The following OSBPL2 variants were observed in gnomAD, a reference collection of about 807,000 sequenced individuals.
The protein encoded by OSBPL2 is oxysterol-binding protein-related protein 2.
Under a neutral mutation model 58.4 loss-of-function variants are expected in OSBPL2, and 18 were observed. That is an observed-to-expected ratio of 0.31 (90% confidence interval 0.21 to 0.46). The LOEUF is 0.46. OSBPL2 is among the 20% of genes least tolerant of loss of function. OSBPL2 has a pLI of 1.00. For synonymous variants in OSBPL2, 221 were observed against 234.1 expected, an observed-to-expected ratio of 0.94 and a Z score of 0.51; for missense variants, 461 against 616.5, an observed-to-expected ratio of 0.75 and a Z score of 2.67.
Position 62,272,397 on chromosome 20 carries a change from C to T in OSBPL2, c.393+138C>T, listed in dbSNP as rs142477614. ...CAGTGTTCAGTGCCATCCTGCCTGG[C>T]GGTCGTGGCATTTGTCCTGTCACCA... On this transcript the variant is annotated intron_variant, in intron 5 of 13. Coordinates refer to ENST00000313733, the MANE Select transcript of OSBPL2 (RefSeq NM_144498.4). 3.2e-4 allele frequency: 291 copies of T among 922,278 alleles called. No homozygotes were observed. The African/African-American group carries it at 4.2e-3, about 13-fold the overall frequency. The allele number at this position is 922,278 out of a possible 1,614,324, so 57.1% of individuals were successfully genotyped here.
In OSBPL2 at chr20:62,292,307, C is replaced by T. The variant is rs554377783; in HGVS notation, c.1340+514C>T. On this transcript the variant is annotated intron_variant, in intron 13 of 13. Transcript: ENST00000313733. The stretch of plus-strand genomic sequence containing the variant: ...GGGAGGTGGCACCGTGTGGAGGCCA[C>T]GCCTGTCACACCGATACCACATCTT... Among the ~76,000 whole-genome samples, 14 of 152,290 alleles carry T rather than the reference C, an allele frequency of 9.2e-5. No individual in the cohort carries two copies. In the South Asian group the frequency reaches 2.5e-3, roughly 27 times the overall value.
At chr20:62,281,551 T>C (rs953390953) in intron 8 of OSBPL2, 1 of 530,708 alleles carries the variant, frequency 1.9e-6, no homozygotes, top group African/African-American at 1.9e-5. Flanking sequence ...AATCGATGCA[T>C]CATAAGACTC....
intron 12 of OSBPL2, among the ~76,000 whole-genome samples, chr20:62,289,599 A>ATTTG (rs1983358578): frequency 6.6e-6 from 1 of 152,258 alleles, no homozygotes; most frequent in African/African-American, 2.4e-5. Context: ...AAATGAAAAA[A>ATTTG]TACATACAAA....
At chr20:62,271,957 A>G (rs1982090327) in intron 4 of OSBPL2, among the ~76,000 whole-genome samples, 168 bp from the exon 5 acceptor site, 4 of 152,148 alleles carry the variant, frequency 2.6e-5, no homozygotes, top group Admixed American at 2.6e-4. Context: ...TGAGGCTCAC[A>G]GGGCAGGGCC....
chr20:62,291,361 G>A (rs531665008), intron 12 of OSBPL2: 24 of 375,828 alleles, frequency 6.4e-5, no homozygotes, highest in South Asian at 2.3e-4. Context: ...CTGGCTCCCC[G>A]TCCTGAGCGC....
At chr20:62,255,913 A>C (rs749759540) in intron 1 of OSBPL2, 144 bp from the exon 2 acceptor site, 36 of 392,748 alleles carry the variant, frequency 9.2e-5, no homozygotes, top group Non-Finnish European at 1.5e-4. Context: ...TTTTGAAATT[A>C]TGTTTGTGAT....
intron 4 of OSBPL2, among the ~76,000 whole-genome samples, chr20:62,268,049 A>ATTTTTTTT (rs149417240): frequency 6.9e-5 from 8 of 116,156 alleles, no homozygotes; most frequent in African/African-American, 1.3e-4. Context: ...TGCCCGGCTA[A>ATTTTTTTT]TTTTTTTTTT....
chr20:62,249,193 C>T (rs1233461265), intron 1 of OSBPL2, among the ~76,000 whole-genome samples: 1 of 152,108 alleles, frequency 6.6e-6, no homozygotes, highest in Non-Finnish European at 1.5e-5. Context: ...GGATGGCGTC[C>T]TTGGGGCCAA....
intron 4 of OSBPL2, 107 bp from the exon 5 acceptor site, chr20:62,272,018 C>T: frequency 7.2e-7 from 1 of 1,387,868 alleles, no homozygotes; most frequent in South Asian, 1.3e-5. Context: ...TCCGGTTCAA[C>T]CCCAGAGGCT....
chr20:62,281,511 C>T (rs1982781069), intron 8 of OSBPL2: 3 of 501,746 alleles, frequency 6.0e-6, no homozygotes, highest in African/African-American at 5.7e-5. Flanking sequence ...GACTGGTGGG[C>T]TTTGCCTTTT....
intron 3 of OSBPL2, 29 bp from the exon 4 acceptor site, chr20:62,263,586 AC>A: frequency 6.3e-7 from 1 of 1,584,576 alleles, no homozygotes; most frequent in Non-Finnish European, 8.7e-7. Flanking sequence ...TGTTGAATTC[AC>A]CCACACGCAC....
intron 8 of OSBPL2, 81 bp downstream of exon 8, chr20:62,281,246 C>T (rs1213598875): frequency 1.9e-6 from 2 of 1,046,204 alleles, no homozygotes; most frequent in Admixed American, 1.8e-5. Flanking sequence ...CATCCGTGCT[C>T]CTGGTGGGTT....
chr20:62,286,803 C>T, intron 11 of OSBPL2, 92 bp downstream of exon 11: 1 of 1,428,632 alleles, frequency 7.0e-7, no homozygotes, highest in Non-Finnish European at 9.5e-7. Context: ...TCCTTGGGCC[C>T]TTGCCTGCCG....
At chr20:62,260,211 G>C in intron 3 of OSBPL2, 86 bp downstream of exon 3, 4 of 1,335,146 alleles carry the variant, frequency 3.0e-6, no homozygotes, top group Non-Finnish European at 4.2e-6. Context: ...GCCCTCACGA[G>C]CATTGAGCTG....
intron 1 of OSBPL2, among the ~76,000 whole-genome samples, chr20:62,248,838 C>T (rs1365637173): frequency 2.0e-5 from 3 of 152,200 alleles, no homozygotes; most frequent in Admixed American, 6.5e-5. Context: ...CTTATAGGCA[C>T]GTGCCACTGT....
rs151042102 is a variant in OSBPL2, at chr20:62,284,054, A to G, written c.881A>G (p.Lys294Arg). The G allele has an allele frequency of 2.5e-5, 40 of 1,611,196 alleles. No homozygotes were observed. The highest frequency in any genetic ancestry group is 3.2e-5 in the Non-Finnish European group (38 of 1,178,184). The change falls in exon 10 of 14, where the codon AAG (lysine) becomes AGG (arginine). Residue 294 changes from lysine to arginine, a missense_variant. Transcript: ENST00000313733. ...ATCCCATTTAATTACAGCAAAAAGA[A>G]GCTCTTTATGATCTATGGCAAATGG... Reference protein sequence around the residue: ...EGHIQDKNKKKLFMIYGKWTE... With the variant: ...EGHIQDKNKKRLFMIYGKWTE...
intron 4 of OSBPL2, among the ~76,000 whole-genome samples, chr20:62,268,904 A>C (rs1306011040): frequency 2.0e-5 from 3 of 152,088 alleles, no homozygotes; most frequent in Admixed American, 2.0e-4. Flanking sequence ...AAAAATACAA[A>C]AAATTAGCCG....
At chr20:62,246,019 G>A (rs1046813233) in intron 1 of OSBPL2, among the ~76,000 whole-genome samples, 17 of 152,258 alleles carry the variant, frequency 1.1e-4, no homozygotes, top group East Asian at 1.9e-4. Flanking sequence ...GCCCTCCATC[G>A]TTGTGGGGTT....
chr20:62,247,018 C>T (rs1338712026), intron 1 of OSBPL2, among the ~76,000 whole-genome samples: 5 of 152,196 alleles, frequency 3.3e-5, no homozygotes, highest in East Asian at 1.9e-4. Flanking sequence ...CCTGCCAGGT[C>T]GCCGACTGCT....
Sources: gnomAD v4.1 joint callset for allele counts (sites outside exome capture counted in the v4.1 genomes callset) on GRCh38, gnomAD v4.1.1 for gene constraint, MANE v1.5 for transcripts, NCBI Gene and HGNC (gene_info 2026-07-23, HGNC 2026-07-21) for gene names.